Variants in PAXBP1 observed in about 807,000 individuals in gnomAD.
PAXBP1 encodes the protein PAX3- and PAX7-binding protein 1.
Under a neutral mutation model 119.9 loss-of-function variants are expected in PAXBP1, and 44 were observed. That is an observed-to-expected ratio of 0.37 (90% confidence interval 0.29 to 0.47). The LOEUF (loss-of-function observed/expected upper bound fraction) is 0.47, where lower values mean the gene tolerates loss of function less well. Ranked by LOEUF, PAXBP1 falls within the 20% of genes least tolerant of loss-of-function variation. PAXBP1 has a pLI of 0.99. For synonymous variants in PAXBP1, 393 were observed against 406.6 expected, an observed-to-expected ratio of 0.97 and a Z score of 0.40; for missense variants, 898 against 1,134.1, an observed-to-expected ratio of 0.79 and a Z score of 2.99.
At chr21:32,765,562 T>C (rs1293691624) in intron 2 of PAXBP1, among the ~76,000 whole-genome samples, 1 of 152,168 alleles carries the variant, frequency 6.6e-6, no homozygotes, top group Non-Finnish European at 1.5e-5. Context: ...CTTAGAATGT[T>C]CCTGTCCCCA....
Position 32,771,590 on chromosome 21 carries a change from GCTC to G in PAXBP1, c.76_78del (p.Glu26del). 2 of 1,461,652 alleles carry G rather than the reference GCTC, an allele frequency of 1.4e-6. No homozygotes were observed. Among genetic ancestry groups the G allele is most frequent in the South Asian group, 1.3e-5 (1 of 77,170 alleles). 90.5% of individuals were successfully genotyped at this position (1,461,652 alleles called of 1,614,324 possible). A position where few individuals can be genotyped will look rare whatever the true frequency, so the allele number is the denominator to read the frequency against. ...GGCGGCAACAACGGCGGCGGCTCCT[GCTC>G]CTCATCGCGTTCCCGCTCTTCCTCT... On this transcript the variant is annotated inframe_deletion, in exon 1 of 18. Transcript: ENST00000331923.
At chr21:32,762,909 CT>C (rs1355431159) in intron 3 of PAXBP1, among the ~76,000 whole-genome samples, 2 of 124,150 alleles carry the variant, frequency 1.6e-5, no homozygotes, top group African/African-American at 6.2e-5. Context: ...ACAACTCCGT[CT>C]CAAAAAAAAA....
chr21:32,765,209 A>G (rs2044220231), intron 2 of PAXBP1, among the ~76,000 whole-genome samples: 1 of 152,214 alleles, frequency 6.6e-6, no homozygotes, highest in South Asian at 2.1e-4. Flanking sequence ...GGCTACATGA[A>G]TATGTAAACT....
chr21:32,760,635 G>A (rs981018981), intron 5 of PAXBP1, among the ~76,000 whole-genome samples: 1 of 152,086 alleles, frequency 6.6e-6, no homozygotes, highest in African/African-American at 2.4e-5. Flanking sequence ...TCAAACTTTA[G>A]TGTGCATCAG....
intron 16 of PAXBP1, among the ~76,000 whole-genome samples, chr21:32,737,794 T>C (rs868208016): frequency 2.0e-5 from 3 of 152,052 alleles, no homozygotes; most frequent in South Asian, 2.1e-4. Flanking sequence ...AGCACCCCCA[T>C]CCCCTGCAAT....
rs964589158 is a variant in PAXBP1 at position 32,734,285 on chromosome 21, G to A, written c.*665C>T. On this transcript the variant is annotated 3_prime_UTR_variant, in exon 18 of 18. Coordinates refer to ENST00000331923, the MANE Select transcript of PAXBP1 (RefSeq NM_016631.4). Reference sequence around the variant, plus strand: ...TTGTGGGTTTATTATTTTCAAAAGTGAAATTTCTATGTTCCATTTGAAACT... The same window carrying A: ...TTGTGGGTTTATTATTTTCAAAAGTAAAATTTCTATGTTCCATTTGAAACT... The A allele has an allele frequency of 1.3e-5, 2 of 152,672 alleles. No individual in the cohort carries two copies. Among genetic ancestry groups the A allele is most frequent in the African/African-American group, 4.8e-5 (2 of 41,434 alleles). 9.5% of individuals were successfully genotyped at this position (152,672 alleles called of 1,614,324 possible). A position where few individuals can be genotyped will look rare whatever the true frequency, so the allele number is the denominator to read the frequency against.
chr21:32,740,581 A>G (rs1026315640), intron 15 of PAXBP1, among the ~76,000 whole-genome samples: 3 of 152,246 alleles, frequency 2.0e-5, no homozygotes, highest in African/African-American at 7.2e-5. Context: ...CTCACACCCT[A>G]TAATAAAAAT....
At chr21:32,756,194 C>T in intron 7 of PAXBP1, 1 of 470,056 alleles carries the variant, frequency 2.1e-6, no homozygotes, top group Non-Finnish European at 4.2e-6. Context: ...TTTCTAAATA[C>T]CTTATGTTAT....
Position 32,743,568 on chromosome 21 carries a change from T to C in PAXBP1, c.2267+110A>G, listed in dbSNP as rs148132303. On this transcript the variant is annotated intron_variant, in intron 14 of 17. Coordinates refer to ENST00000331923, the MANE Select transcript of PAXBP1 (RefSeq NM_016631.4). ...CGCCACTAATCTAGTCTCTCTGTAA[T>C]ACACTACATGGGTGAAGTTTGTATT... The C allele has an allele frequency of 2.8e-5, 24 of 845,240 alleles. No individual in the cohort carries two copies. In the African/African-American group the frequency reaches 3.3e-4, roughly 11 times the overall value. The allele number at this position is 845,240 out of a possible 1,614,324, so 52.4% of individuals were successfully genotyped here. A position where few individuals can be genotyped will look rare whatever the true frequency, so the allele number is the denominator to read the frequency against.
intron 14 of PAXBP1, 61 bp from the exon 15 acceptor site, chr21:32,743,375 T>C: frequency 8.8e-7 from 1 of 1,138,124 alleles, no homozygotes; most frequent in Non-Finnish European, 1.2e-6. Context: ...TGCCATATGA[T>C]TCCTGGACAA....
chr21:32,762,411 ATCAC>A, intron 3 of PAXBP1, 94 bp from the exon 4 acceptor site: 1 of 1,460,842 alleles, frequency 6.8e-7, no homozygotes, highest in Non-Finnish European at 9.0e-7. Context: ...AGATAGCCTC[ATCAC>A]AGTGATGTTT....
At position 32,738,226 on chromosome 21, in the gene PAXBP1, T is replaced by C; in HGVS notation, c.2428A>G (p.Met810Val). The change falls in exon 16 of 18, where the codon ATG becomes GTG. Residue 810 changes from methionine (M) to valine (V), a missense_variant. Physicochemically the swap from Met to Val is conservative, Grantham distance 21 (BLOSUM62 1). Transcript: ENST00000331923. The part of the protein sequence containing the change: ...IDGLLNRYIL[M>V]AFQNSEYGDD... Reference sequence around the variant, plus strand: ...CCATATTCTGAATTCTGAAAAGCCATGAGAATATATCGATTTAATAAACCA... The same window carrying C: ...CCATATTCTGAATTCTGAAAAGCCACGAGAATATATCGATTTAATAAACCA... 1 of 1,602,358 alleles carries C rather than the reference T, an allele frequency of 6.2e-7. No homozygotes were observed. Among genetic ancestry groups the C allele is most frequent in the Non-Finnish European group, 8.5e-7 (1 of 1,176,976 alleles).
At chr21:32,768,225 C>T (rs959371688) in intron 2 of PAXBP1, among the ~76,000 whole-genome samples, 10 of 152,216 alleles carry the variant, frequency 6.6e-5, no homozygotes, top group Admixed American at 1.3e-4. Context: ...CTCACCTGCC[C>T]TTCTACCATG....
intron 3 of PAXBP1, 76 bp downstream of exon 3, chr21:32,764,272 T>C (rs1396811148): frequency 8.5e-6 from 12 of 1,418,088 alleles, no homozygotes; most frequent in Admixed American, 2.1e-5. Flanking sequence ...GCTAATTCCT[T>C]CTTAATAATC....
intron 2 of PAXBP1, among the ~76,000 whole-genome samples, chr21:32,766,354 T>G (rs1364057399): frequency 6.6e-6 from 1 of 152,182 alleles, no homozygotes; most frequent in Non-Finnish European, 1.5e-5. Context: ...CATGTTACCC[T>G]TCCAGACATC....
intron 15 of PAXBP1, among the ~76,000 whole-genome samples, chr21:32,740,464 G>C (rs1283787925): frequency 6.6e-6 from 1 of 152,198 alleles, no homozygotes; most frequent in Non-Finnish European, 1.5e-5. Context: ...ACTGAGACCT[G>C]TCTCAAATTT....
intron 2 of PAXBP1, among the ~76,000 whole-genome samples, chr21:32,767,995 A>T (rs2044272091): frequency 6.6e-6 from 1 of 152,130 alleles, no homozygotes; most frequent in Admixed American, 6.5e-5. Flanking sequence ...TCCTCCTTCC[A>T]CTTGCCTTCT....
chr21:32,768,424 C>CTACT (rs2044278508), intron 2 of PAXBP1, among the ~76,000 whole-genome samples: 1 of 152,156 alleles, frequency 6.6e-6, no homozygotes, highest in Non-Finnish European at 1.5e-5. Flanking sequence ...CTTTTAAATC[C>CTACT]AATATGGCAA....
At position 32,764,427 on chromosome 21, in the gene PAXBP1, T is replaced by G. The variant is rs2044204867; in HGVS notation, c.570A>C (p.Glu190Asp). Reference sequence around the variant, plus strand: ...TTGGCTTTTCTTCCTCTTTTTCACTTTCCATATCCATTTCATCTTCACCAT... The same window carrying G: ...TTGGCTTTTCTTCCTCTTTTTCACTGTCCATATCCATTTCATCTTCACCAT... ...SEHGEDEMDM[E>D]SEKEEEKPKT... The change falls in exon 3 of 18, where the codon GAA (glutamate) becomes GAC (aspartate). Residue 190 changes from glutamate (E) to aspartate (D), a missense_variant. Transcript: ENST00000331923. The G allele has an allele frequency of 6.2e-7, 1 of 1,613,892 alleles. No homozygotes were observed. Among genetic ancestry groups the G allele is most frequent in the South Asian group, 1.1e-5 (1 of 91,074 alleles).
Sources: allele counts gnomAD v4.1 joint callset (sites outside exome capture counted in the v4.1 genomes callset), GRCh38; gene constraint gnomAD v4.1.1; transcripts MANE v1.5; gene names NCBI Gene and HGNC (gene_info 2026-07-23, HGNC 2026-07-21).